Variants in ELFN2 observed in about 807,000 individuals in gnomAD.
ELFN2 encodes the protein extracellular leucine rich repeat and fibronectin type III domain containing 2.
Under a neutral mutation model 45.5 loss-of-function variants are expected in ELFN2, and 17 were observed. That is an observed-to-expected ratio of 0.37 (90% CI 0.26 to 0.56). ELFN2 has a LOEUF of 0.56. Among genes scored for constraint, ELFN2 ranks in the 20% least tolerant of loss-of-function variants. The pLI, the probability that ELFN2 is intolerant of heterozygous loss-of-function variation, is 0.77. For synonymous variants in ELFN2, 550 were observed against 551.5 expected (o/e 1.00, Z 0.04); for missense variants, 922 against 1,183.2 (o/e 0.78, Z 3.24).
At chr22:37,415,880 T>C (rs1324817644) in intron 2 of ELFN2, among the ~76,000 whole-genome samples, 3 of 152,184 alleles carry the variant, frequency 2.0e-5, no homozygotes, top group African/African-American at 7.2e-5. Flanking sequence ...GGAGAATCGC[T>C]TGAACCCGGG....
downstream of ELFN2, among the ~76,000 whole-genome samples, chr22:37,363,482 G>C (rs535740330): frequency 6.6e-6 from 1 of 152,164 alleles, no homozygotes; most frequent in African/African-American, 2.4e-5. Context: ...TGGCAAGGAC[G>C]GGGAGGACGG....
chr22:37,410,092 C>T (rs1932608245), intron 2 of ELFN2, among the ~76,000 whole-genome samples: 1 of 152,166 alleles, frequency 6.6e-6, no homozygotes, highest in Admixed American at 6.5e-5. Context: ...TACACACACA[C>T]CTGCCCTTGT....
rs1286214699 is a variant in ELFN2 at position 37,344,198 on chromosome 22, C to T, written n.149-1495G>A. Among the ~76,000 whole-genome samples, 3 of 128,708 alleles carry T rather than the reference C, an allele frequency of 2.3e-5. No individual in the cohort carries two copies. The East Asian group carries it at 7.1e-4, about 31-fold the overall frequency. 84.4% of individuals were successfully genotyped at this position (128,708 alleles called of 152,430 possible). A position where few individuals can be genotyped will look rare whatever the true frequency, so the allele number is the denominator to read the frequency against. The stretch of plus-strand genomic sequence containing the variant: ...GTGCCCAACCCCACCTGCCCATGCA[C>T]ACCTGCCCATGCCCCCTGCCCACAC... On this transcript the variant is annotated intron_variant and non_coding_transcript_variant, in intron 1 of 2. Coordinates refer to ENST00000452946, the Ensembl canonical transcript of ELFN2.
At chr22:37,358,715 G>A (rs1451040829) in intron 1 of ELFN2, among the ~76,000 whole-genome samples, 2 of 152,218 alleles carry the variant, frequency 1.3e-5, no homozygotes, top group Non-Finnish European at 2.9e-5. Context: ...ATGGCTGGAA[G>A]AGCCTGTGAG....
At chr22:37,401,712 C>T (rs1017964737) in intron 2 of ELFN2, among the ~76,000 whole-genome samples, 1 of 151,962 alleles carries the variant, frequency 6.6e-6, no homozygotes, top group African/African-American at 2.4e-5. Flanking sequence ...GTAACCAAGC[C>T]GGCCCGGCAG....
chr22:37,359,369 C>T (rs539394854), intron 1 of ELFN2, among the ~76,000 whole-genome samples: 8 of 127,506 alleles, frequency 6.3e-5, no homozygotes, highest in Non-Finnish European at 8.7e-5. Context: ...GCCTCCCTGG[C>T]CAGGCCCCTG....
In ELFN2 at chr22:37,374,282, C is replaced by G. The variant is rs370343661; in HGVS notation, c.1253G>C (p.Cys418Ser). 1 of 1,613,740 alleles carries G rather than the reference C, an allele frequency of 6.2e-7. No individual in the cohort carries two copies. Among genetic ancestry groups the G allele is most frequent in the Non-Finnish European group, 8.5e-7 (1 of 1,179,904 alleles). ...MVIVLGAVYYCLRKRRMQEEK... is the reference protein window; with the variant it reads ...MVIVLGAVYYSLRKRRMQEEK... Reference sequence around the variant, plus strand: ...CTCCTGCATGCGCCGCTTGCGCAGGCAGTAGTACACGGCTCCCAGCACGAT... The same window carrying G: ...CTCCTGCATGCGCCGCTTGCGCAGGGAGTAGTACACGGCTCCCAGCACGAT... Residue 418 changes from cysteine (C) to serine (S), a missense_variant, in exon 3 of 3, where the codon TGC becomes TCC. By Grantham distance (112) the Cys-to-Ser change is moderately radical. Around this residue, in one of 2 missense-constraint regions of ELFN2, gnomAD observed 564 missense variants for 642.8 expected, o/e 0.88. Transcript: ENST00000402918.
intron 1 of ELFN2, chr22:37,352,557 C>A (rs867562378): frequency 1.3e-5 from 2 of 150,974 alleles, no homozygotes; most frequent in African/African-American, 4.8e-5. Context: ...TCAGGGAAGA[C>A]ACCACAGGGG....
intron 2 of ELFN2, among the ~76,000 whole-genome samples, chr22:37,404,055 G>GTAT (rs1932436335): frequency 1.3e-5 from 2 of 152,234 alleles, no homozygotes; most frequent in East Asian, 3.9e-4. Flanking sequence ...GTACCCAGAA[G>GTAT]GTGGCACTTT....
chr22:37,343,232 A>G (rs866702650), intron 1 of ELFN2, among the ~76,000 whole-genome samples: 4 of 152,076 alleles, frequency 2.6e-5, no homozygotes, highest in Admixed American at 1.3e-4. Context: ...AAGGAATCCC[A>G]TAAGTGAGGC....
intron 2 of ELFN2, among the ~76,000 whole-genome samples, chr22:37,382,931 T>C (rs9622613): frequency 0.039 from 5,961 of 152,278 alleles, 417 homozygotes; most frequent in African/African-American, 0.14. Context: ...GTGCTTCTGT[T>C]CATGGGTGCC....
In ELFN2 at chr22:37,373,165, G is replaced by A. The variant is rs148494870; in HGVS notation, c.2370C>T (p.His790=). Residue 790 remains histidine (H), a synonymous_variant, in exon 3 of 3, where the codon CAC becomes CAT. Transcript: ENST00000402918. ...HREEVYMAAG[H]ALRKKVQFAK... is the part of the protein sequence containing the mutation. ...CGAACTGGACCTTCTTGCGCAGGGC[G>A]TGACCGGCGGCCATGTACACCTCCT... 39 of 1,613,820 alleles carry A rather than the reference G, an allele frequency of 2.4e-5. No individual in the cohort carries two copies. Among genetic ancestry groups the A allele is most frequent in the African/African-American group, 4.0e-5 (3 of 75,042 alleles).
chr22:37,401,714 G>A (rs1414328462), intron 2 of ELFN2, among the ~76,000 whole-genome samples: 2 of 152,184 alleles, frequency 1.3e-5, no homozygotes, highest in Non-Finnish European at 2.9e-5. Context: ...AACCAAGCCG[G>A]CCCGGCAGCC....
Position 37,375,308 on chromosome 22 carries a change from T to G in ELFN2, c.227A>C (p.Asn76Thr), listed in dbSNP as rs151050985. The stretch of plus-strand genomic sequence containing the variant: ...GAGGTCGGTGAGGTTCCCAAAGCGG[T>G]TGAGCGAGGAGTAGAGCACGGCTTT... ...KLKAVLYSSLNRFGNLTDLNL... is the reference protein window; with the variant it reads ...KLKAVLYSSLTRFGNLTDLNL... Residue 76 changes from asparagine (N) to threonine (T), a missense_variant, in exon 3 of 3, where the codon AAC (asparagine) becomes ACC (threonine). Physicochemically the swap from Asn to Thr is moderately conservative, Grantham distance 65. Coordinates refer to ENST00000402918, the MANE Select transcript of ELFN2 (RefSeq NM_052906.5). 2 of 1,613,940 alleles carry G rather than the reference T, an allele frequency of 1.2e-6. No homozygotes were observed. The highest frequency in any genetic ancestry group is 2.2e-5 in the East Asian group (1 of 44,870).
intron 1 of ELFN2, among the ~76,000 whole-genome samples, chr22:37,350,291 C>A (rs1930792523): frequency 6.6e-6 from 1 of 150,858 alleles, no homozygotes; most frequent in Non-Finnish European, 1.5e-5. Flanking sequence ...GGAAATGATT[C>A]AGTTTTGTTC....
At chr22:37,365,131 G>A (rs1281828626), downstream of ELFN2, among the ~76,000 whole-genome samples, 1 of 152,162 alleles carries the variant, frequency 6.6e-6, no homozygotes, top group Non-Finnish European at 1.5e-5. Context: ...CTGAGACACT[G>A]GGCCTGGGGC....
chr22:37,394,369 C>A lies in ELFN2; in HGVS notation c.-462-18373G>T, dbSNP rs553546861. On this transcript the variant is annotated intron_variant, in intron 2 of 2. Transcript: ENST00000402918. The stretch of plus-strand genomic sequence containing the variant: ...GTCTTTTATGGACTCACCGAGGCCT[C>A]TTTCTTAATACCCTTTCAGCCGCTT... Among the ~76,000 whole-genome samples, 4 of 152,324 alleles carry A rather than the reference C, an allele frequency of 2.6e-5. No homozygotes were observed. In the East Asian group the frequency reaches 7.7e-4, roughly 29 times the overall value.
At chr22:37,397,955 T>C (rs905365764) in intron 2 of ELFN2, among the ~76,000 whole-genome samples, 17 of 152,166 alleles carry the variant, frequency 1.1e-4, no homozygotes, top group African/African-American at 4.1e-4. Flanking sequence ...TGAGCGGACG[T>C]CTGCACTGGT....
intron 2 of ELFN2, among the ~76,000 whole-genome samples, chr22:37,397,804 C>T (rs1424011930): frequency 1.3e-5 from 2 of 152,054 alleles, no homozygotes; most frequent in Non-Finnish European, 1.5e-5. Context: ...AACGAGCTAC[C>T]GGGCTGGGCA....
Sources: gnomAD v4.1 joint callset for allele counts (sites outside exome capture counted in the v4.1 genomes callset) on GRCh38, gnomAD v4.1.1 for gene constraint, gnomAD v4.1.1 regional missense constraint, MANE v1.5 for transcripts, NCBI Gene and HGNC (gene_info 2026-07-23, HGNC 2026-07-21) for gene names.